Variants in EML1 observed in about 807,000 individuals in gnomAD.
EML1 encodes the protein echinoderm microtubule-associated protein-like 1.
A neutral mutation model predicts 110.4 loss-of-function variants in EML1; 27 were observed. That is an observed-to-expected ratio of 0.24 (90% CI 0.18 to 0.34). EML1 has a LOEUF of 0.34. EML1 is among the 10% of genes least tolerant of loss of function. The pLI, the probability that EML1 is intolerant of heterozygous loss-of-function variation, is 1.00. For missense variants in EML1, 741 were observed against 1,030.9 expected, an observed-to-expected ratio of 0.72 and a Z score of 3.85; for synonymous variants, 344 against 385.8, an observed-to-expected ratio of 0.89 and a Z score of 1.27.
At chr14:99,787,218 T>C (rs2057610229) in intron 1 of EML1, among the ~76,000 whole-genome samples, 1 of 151,582 alleles carries the variant, frequency 6.6e-6, no homozygotes, top group Non-Finnish European at 1.5e-5. Flanking sequence ...TTAATATGAG[T>C]AGTGAATGGT....
At position 99,936,538 on chromosome 14, in the gene EML1, C is replaced by T. The variant is rs1271016216; in HGVS notation, c.2095+204C>T. On this transcript the variant is annotated intron_variant, in intron 19 of 21. Coordinates refer to ENST00000262233, the MANE Select transcript of EML1 (RefSeq NM_004434.3). The surrounding 1 kb of genome is among the most constrained non-coding windows in gnomAD (Gnocchi z 5.5). ...TCCCGGTTTCCTGCTGACTGTGAGC[C>T]CCTATGGAGGAGAAGATCCAGGGCC... Among the ~76,000 whole-genome samples the T allele has an allele frequency of 6.6e-6, 1 of 152,082 alleles. No individual in the cohort carries two copies. Among genetic ancestry groups the T allele is most frequent in the Non-Finnish European group, 1.5e-5 (1 of 68,008 alleles).
chr14:99,857,205 G>A (rs2058917497), intron 2 of EML1, among the ~76,000 whole-genome samples: 2 of 152,076 alleles, frequency 1.3e-5, no homozygotes, highest in African/African-American at 2.4e-5. Context: ...CCAGGAGGTC[G>A]AGGCTGCAGT....
chr14:99,863,645 G>A (rs2059041433), intron 2 of EML1, among the ~76,000 whole-genome samples: 1 of 152,172 alleles, frequency 6.6e-6, no homozygotes, highest in African/African-American at 2.4e-5. Flanking sequence ...TTAGCAATGT[G>A]GATTTCAGAT....
intron 1 of EML1, among the ~76,000 whole-genome samples, chr14:99,739,418 G>T (rs1157724063): frequency 6.6e-6 from 1 of 152,186 alleles, no homozygotes; most frequent in Non-Finnish European, 1.5e-5. Flanking sequence ...ACAATATTTA[G>T]CCCGTCGGAG....
chr14:99,739,124 GTGTGTGTGT>G, intron 1 of EML1, among the ~76,000 whole-genome samples: 1 of 12,414 alleles, frequency 8.1e-5, no homozygotes, highest in Non-Finnish European at 4.8e-4. Flanking sequence ...GAGAGAGTGT[GTGTGTGTGT>G]GTGTGTGTGT....
intron 15 of EML1, 191 bp downstream of exon 15, chr14:99,914,888 C>T (rs2060007847): frequency 1.4e-6 from 1 of 714,686 alleles, no homozygotes; most frequent in African/African-American, 1.9e-5. Context: ...TGGCCTCAGC[C>T]ATGTAATTTT....
At chr14:99,789,589 T>G (rs1443059816), upstream of EML1, among the ~76,000 whole-genome samples, 1 of 152,256 alleles carries the variant, frequency 6.6e-6, no homozygotes, top group Non-Finnish European at 1.5e-5. Context: ...CACTGTGTTC[T>G]ATGTGCTACA....
intron 2 of EML1, among the ~76,000 whole-genome samples, chr14:99,860,482 G>C (rs544049319): frequency 2.2e-4 from 33 of 152,066 alleles, no homozygotes; most frequent in Non-Finnish European, 4.3e-4. Flanking sequence ...TCAAGATCCA[G>C]GCTGGCACCT....
At chr14:99,920,117 A>G (rs1378786655) in intron 16 of EML1, among the ~76,000 whole-genome samples, 2 of 152,116 alleles carry the variant, frequency 1.3e-5, no homozygotes, top group Non-Finnish European at 2.9e-5. Flanking sequence ...AGAGGATACA[A>G]AGCACTTCCA....
At chr14:99,913,084 C>G (rs2059971816) in intron 13 of EML1, among the ~76,000 whole-genome samples, 1 of 152,102 alleles carries the variant, frequency 6.6e-6, no homozygotes, top group Admixed American at 6.5e-5. Flanking sequence ...TTAGATTATT[C>G]CATATGTTTA....
chr14:99,793,401 C>A (rs927576126), upstream of EML1: 8 of 1,003,648 alleles, frequency 8.0e-6, no homozygotes, highest in South Asian at 1.8e-4. Context: ...CGGTCGCGGT[C>A]GGGCTCAGCT....
At chr14:99,920,901 C>G (rs1465517159) in intron 17 of EML1, 24 bp downstream of exon 17, 1 of 1,524,302 alleles carries the variant, frequency 6.6e-7, no homozygotes, top group South Asian at 1.2e-5. Context: ...CCATTCACTA[C>G]TTTATTTTTT....
intron 1 of EML1, among the ~76,000 whole-genome samples, chr14:99,742,527 G>A (rs2057054552): frequency 6.6e-6 from 1 of 152,162 alleles, no homozygotes; most frequent in Non-Finnish European, 1.5e-5. Flanking sequence ...GGGACCCGGA[G>A]GAGGGCACAG....
At chr14:99,871,845 G>T (rs2059210600) in intron 3 of EML1, among the ~76,000 whole-genome samples, 2 of 152,178 alleles carry the variant, frequency 1.3e-5, no homozygotes, top group Admixed American at 6.5e-5. Context: ...ACAATAAAGG[G>T]TTTAGAGTAG....
At chr14:99,842,825 T>C (rs1417757605) in intron 1 of EML1, among the ~76,000 whole-genome samples, 1 of 152,204 alleles carries the variant, frequency 6.6e-6, no homozygotes, top group Admixed American at 6.5e-5. Flanking sequence ...AAGGTTATAC[T>C]ACAGAGACCA....
At chr14:99,818,555 C>A (rs1180959433) in intron 1 of EML1, among the ~76,000 whole-genome samples, 1 of 152,130 alleles carries the variant, frequency 6.6e-6, no homozygotes, top group Non-Finnish European at 1.5e-5. Flanking sequence ...GGATTAGAGG[C>A]AAGATGACCA....
upstream of EML1, among the ~76,000 whole-genome samples, chr14:99,788,631 A>ATGTGTG (rs376095429): frequency 4.7e-3 from 704 of 150,258 alleles, 3 homozygotes; most frequent in African/African-American, 0.016. Context: ...TCTCCCTAAT[A>ATGTGTG]TGTGTGTGTG....
intron 4 of EML1, among the ~76,000 whole-genome samples, chr14:99,881,917 A>G (rs1194558284): frequency 1.3e-5 from 2 of 152,148 alleles, no homozygotes; most frequent in Non-Finnish European, 2.9e-5. Flanking sequence ...ATTCTTTATG[A>G]TAGTTTCAGT....
At chr14:99,818,250 A>G (rs1031343407) in intron 1 of EML1, among the ~76,000 whole-genome samples, 1 of 152,190 alleles carries the variant, frequency 6.6e-6, no homozygotes, top group Non-Finnish European at 1.5e-5. Flanking sequence ...ACTCAGACAT[A>G]AAGAAGAGGA....
Sources: allele counts gnomAD v4.1 joint callset (sites outside exome capture counted in the v4.1 genomes callset), GRCh38; gene constraint gnomAD v4.1.1; non-coding constraint Gnocchi (gnomAD v3.1); transcripts MANE v1.5; gene names NCBI Gene and HGNC (gene_info 2026-07-23, HGNC 2026-07-21).